The following B3GALT1 variants were observed in gnomAD, a reference collection of about 807,000 sequenced individuals.
B3GALT1 encodes UDP-Gal:betaGlcNAc beta 1,3-galactosyltransferase, polypeptide 1.
In B3GALT1, 10 loss-of-function variants were observed where a neutral mutation model predicts 23.2. The ratio of observed to expected loss-of-function variants is 0.43; its 90% CI spans 0.27 to 0.73. The LOEUF (loss-of-function observed/expected upper bound fraction) is 0.73, where lower values mean the gene tolerates loss of function less well. B3GALT1 is among the 30% of genes least tolerant of loss of function. B3GALT1 has a pLI of 0.21. For synonymous variants in B3GALT1, 156 were observed against 141.5 expected (o/e 1.10, Z -0.73); for missense variants, 299 against 405.4 (o/e 0.74, Z 2.25).
chr2:167,455,847 A>G (rs546196381), intron 1 of B3GALT1, among the ~76,000 whole-genome samples: 4 of 152,276 alleles, frequency 2.6e-5, no homozygotes, highest in South Asian at 4.1e-4. Context: ...ATCACTCTAA[A>G]TGCTGTACTC....
At chr2:167,738,903 A>C (rs1038960811) in intron 3 of B3GALT1, among the ~76,000 whole-genome samples, 2 of 152,182 alleles carry the variant, frequency 1.3e-5, no homozygotes, top group African/African-American at 4.8e-5. Context: ...TTATCTTTCC[A>C]GGTTTCCCTT....
At chr2:167,457,333 C>T (rs1699187801) in intron 1 of B3GALT1, among the ~76,000 whole-genome samples, 1 of 151,816 alleles carries the variant, frequency 6.6e-6, no homozygotes, top group African/African-American at 2.4e-5. Context: ...CTACCATGCC[C>T]AGCTAATTTT....
intron 1 of B3GALT1, among the ~76,000 whole-genome samples, chr2:167,486,778 A>G (rs907297357): frequency 4.6e-5 from 7 of 152,162 alleles, no homozygotes; most frequent in African/African-American, 1.7e-4. Context: ...ACGAGGAAAT[A>G]CAGAGAACTG....
At chr2:167,668,211 C>T (rs112470475) in intron 3 of B3GALT1, among the ~76,000 whole-genome samples, 1,560 of 151,516 alleles carry the variant, frequency 0.01, 27 homozygotes, top group African/African-American at 0.034. Context: ...TACCCGACCG[C>T]GTGAGGTGTT....
chr2:167,558,620 C>T (rs971177617), intron 2 of B3GALT1, among the ~76,000 whole-genome samples: 2 of 152,186 alleles, frequency 1.3e-5, no homozygotes, highest in African/African-American at 2.4e-5. Context: ...TGCGCTTTTC[C>T]GACGGGCTTA....
intron 3 of B3GALT1, among the ~76,000 whole-genome samples, chr2:167,751,034 C>T (rs933997742): frequency 9.2e-5 from 14 of 152,162 alleles, no homozygotes; most frequent in African/African-American, 2.9e-4. Flanking sequence ...TCTGCTGTTG[C>T]TGCAAGAAAA....
intron 3 of B3GALT1, among the ~76,000 whole-genome samples, chr2:167,670,047 A>C: frequency 1.3e-5 from 2 of 151,830 alleles, no homozygotes; most frequent in South Asian, 2.1e-4. Flanking sequence ...TCACCTGCAG[A>C]CTCCCTCCAA....
chr2:167,403,466 A>G (rs1698226626), intron 1 of B3GALT1, among the ~76,000 whole-genome samples: 1 of 151,974 alleles, frequency 6.6e-6, no homozygotes, highest in Non-Finnish European at 1.5e-5. Flanking sequence ...TATTGTGAAT[A>G]GTGCTGCAAT....
chr2:167,845,275 A>G (rs923617531), intron 4 of B3GALT1, among the ~76,000 whole-genome samples: 1 of 152,208 alleles, frequency 6.6e-6, no homozygotes, highest in African/African-American at 2.4e-5. Context: ...ACCTCCTGGC[A>G]GAAGTCCAAG....
chr2:167,830,418 C>A (rs1283254882), intron 4 of B3GALT1, among the ~76,000 whole-genome samples: 1 of 151,674 alleles, frequency 6.6e-6, no homozygotes, highest in African/African-American at 2.4e-5. Flanking sequence ...AGGAGACGTG[C>A]AAATGTTCCC....
chr2:167,335,943 T>A lies in B3GALT1; in HGVS notation c.-511+42609T>A, dbSNP rs563699505. Among the ~76,000 whole-genome samples, 6 of 152,248 alleles carry A rather than the reference T, an allele frequency of 3.9e-5. 1 individual carries two copies. In the South Asian group the frequency reaches 1.0e-3, roughly 26 times the overall value. ...GGAATTCCTCTGGTTCAGATGCCTC[T>A]GACAGTATCAGATACTGATTCATTT... is the stretch of plus-strand genomic sequence containing the variant. On this transcript the variant is annotated intron_variant, in intron 1 of 4. Coordinates refer to ENST00000392690, the MANE Select transcript of B3GALT1 (RefSeq NM_020981.4).
In B3GALT1 at chr2:167,516,971, T is replaced by A. The variant is rs1016696732; in HGVS notation, c.-410+26694T>A. On this transcript the variant is annotated intron_variant, in intron 2 of 4. Coordinates refer to ENST00000392690, the MANE Select transcript of B3GALT1 (RefSeq NM_020981.4). ...GTGTGTATATATATATATATATATA[T>A]GACACTTAAGCTTCTTTGTTATCTA... 2.2e-4 allele frequency among the ~76,000 whole-genome samples: 8 copies of A among 36,840 alleles called. No individual in the cohort carries two copies. In the African/African-American group the frequency reaches 5.5e-3, roughly 25 times the overall value. The allele number at this position is 36,840 out of a possible 152,430, so 24.2% of individuals were successfully genotyped here.
chr2:167,521,760 A>G (rs1189852848), intron 2 of B3GALT1, among the ~76,000 whole-genome samples: 3 of 151,946 alleles, frequency 2.0e-5, no homozygotes, highest in African/African-American at 7.2e-5. Flanking sequence ...TAAAACTAGG[A>G]GCACCACAAT....
chr2:167,700,776 G>T (rs1686869133), intron 3 of B3GALT1, among the ~76,000 whole-genome samples: 1 of 152,138 alleles, frequency 6.6e-6, no homozygotes. Flanking sequence ...CGAATAGTGT[G>T]ACCCACAGGC....
chr2:167,509,821 A>T (rs1172508043), intron 2 of B3GALT1, among the ~76,000 whole-genome samples: 3 of 152,140 alleles, frequency 2.0e-5, no homozygotes, highest in Non-Finnish European at 4.4e-5. Flanking sequence ...GAGAGATGGG[A>T]AGCATTTGGA....
chr2:167,433,601 A>C lies in B3GALT1; in HGVS notation c.-510-56576A>C, dbSNP rs144386320. 5.3e-5 allele frequency among the ~76,000 whole-genome samples: 8 copies of C among 152,314 alleles called. No homozygotes were observed. In the East Asian group the frequency reaches 1.3e-3, roughly 26 times the overall value. On this transcript the variant is annotated intron_variant, in intron 1 of 4. Transcript: ENST00000392690. ...CTGAAGTTATGGAAGAAATTTCAAA[A>C]TGTTTTAAAAGCAATTAAGAGCAAA...
chr2:167,757,865 C>A (rs548790073), intron 3 of B3GALT1, among the ~76,000 whole-genome samples: 1 of 152,260 alleles, frequency 6.6e-6, no homozygotes, highest in South Asian at 2.1e-4. Context: ...GCAAATTCCA[C>A]AGCTCAGGAC....
intron 3 of B3GALT1, among the ~76,000 whole-genome samples, chr2:167,792,112 G>C (rs909310812): frequency 6.6e-6 from 1 of 151,970 alleles, no homozygotes; most frequent in African/African-American, 2.4e-5. Flanking sequence ...CGGGATCCTG[G>C]TTATTGTGGT....
intron 1 of B3GALT1, among the ~76,000 whole-genome samples, chr2:167,340,422 GA>G (rs1183620396): frequency 1.3e-5 from 2 of 151,480 alleles, no homozygotes; most frequent in African/African-American, 4.9e-5. Flanking sequence ...TACCCCTGAA[GA>G]CATTAGTCAA....
Sources: gnomAD v4.1 joint callset for allele counts (sites outside exome capture counted in the v4.1 genomes callset) on GRCh38, gnomAD v4.1.1 for gene constraint, MANE v1.5 for transcripts, NCBI Gene and HGNC (gene_info 2026-07-23, HGNC 2026-07-21) for gene names.